Variants in CACNB4 observed in about 807,000 individuals in gnomAD.
The protein encoded by CACNB4 is voltage-dependent L-type calcium channel subunit beta-4.
A neutral mutation model predicts 71.2 loss-of-function variants in CACNB4; 32 were observed. That is an observed-to-expected ratio of 0.45 (90% CI 0.34 to 0.60). The LOEUF is 0.60. Ranked by LOEUF, CACNB4 falls within the 20% of genes least tolerant of loss-of-function variation. The probability of loss-of-function intolerance (pLI) is 0.01; values close to 1 mark genes in which losing one functional copy is unlikely to be tolerated. For missense variants in CACNB4, 464 were observed against 647.9 expected (o/e 0.72, Z 3.08); for synonymous variants, 231 against 236.9 (o/e 0.97, Z 0.23).
intron 2 of CACNB4, among the ~76,000 whole-genome samples, chr2:151,993,107 A>G (rs1433776560): frequency 6.6e-6 from 1 of 150,928 alleles, no homozygotes; most frequent in Non-Finnish European, 1.5e-5. Flanking sequence ...ACAAGAAAAC[A>G]TCTTGAATAA....
In CACNB4 at chr2:152,098,564, G is replaced by GCGCCCC; in HGVS notation, c.64-152_64-151insGGGGCG. ...GTCTCCTCCGCGACTCCCAAATACA[G>GCGCCCC]CCCCCACCCCCACCCACCCACTGCA... On this transcript the variant is annotated intron_variant, in intron 1 of 13. Transcript: ENST00000539935. The surrounding 1 kb of genome is among the most constrained non-coding windows in gnomAD (Gnocchi z 5.3). The GCGCCCC allele has an allele frequency of 1.1e-6, 1 of 931,268 alleles. No individual in the cohort carries two copies. The highest frequency in any genetic ancestry group is 1.7e-6 in the Non-Finnish European group (1 of 583,194). 57.7% of individuals were successfully genotyped at this position (931,268 alleles called of 1,614,324 possible).
Position 152,001,526 on chromosome 2 carries a change from TAAAAAAAAAAAAAAAAAAA to T in CACNB4, c.147+96785_147+96803del, listed in dbSNP as rs70974816. On this transcript the variant is annotated intron_variant, in intron 2 of 13. Coordinates refer to ENST00000539935, the MANE Select transcript of CACNB4 (RefSeq NM_000726.5). ...CAACATGGTGAAACCCCATCTCTAC[TAAAAAAAAAAAAAAAAAAA>T]AAAAAAAAAAATACAAAATTAGCCG... Among the ~76,000 whole-genome samples, 140 of 35,514 alleles carry T rather than the reference TAAAAAAAAAAAAAAAAAAA, an allele frequency of 3.9e-3. 2 individuals carry two copies. The highest frequency in any genetic ancestry group is 0.027 in the Admixed American group (50 of 1,842). The allele number at this position is 35,514 out of a possible 152,430, so 23.3% of individuals were successfully genotyped here. A position where few individuals can be genotyped will look rare whatever the true frequency, so the allele number is the denominator to read the frequency against.
chr2:151,990,573 C>A (rs1248360044), intron 2 of CACNB4, among the ~76,000 whole-genome samples: 1 of 152,190 alleles, frequency 6.6e-6, no homozygotes, highest in Admixed American at 6.5e-5. Context: ...TTAACAATTA[C>A]CATAGTGCCT....
intron 2 of CACNB4, among the ~76,000 whole-genome samples, chr2:151,886,494 A>G (rs2099849406): frequency 6.6e-6 from 1 of 152,198 alleles, no homozygotes; most frequent in African/African-American, 2.4e-5. Flanking sequence ...ACTCCTACAA[A>G]TGAACTTTAT....
At chr2:151,932,463 A>G (rs1235678079) in intron 2 of CACNB4, among the ~76,000 whole-genome samples, 3 of 152,166 alleles carry the variant, frequency 2.0e-5, no homozygotes, top group African/African-American at 7.2e-5. Flanking sequence ...GAGAACACAT[A>G]TCTGATATGA....
chr2:152,040,043 A>G (rs1684794302), intron 2 of CACNB4, among the ~76,000 whole-genome samples: 1 of 152,208 alleles, frequency 6.6e-6, no homozygotes, highest in Non-Finnish European at 1.5e-5. Context: ...TTTCTACAAA[A>G]ATTGTACTGG....
At chr2:151,969,686 T>C (rs1363171995) in intron 2 of CACNB4, 1 of 152,038 alleles carries the variant, frequency 6.6e-6, no homozygotes, top group Non-Finnish European at 1.5e-5. Context: ...GAGACAAACA[T>C]ACATAGTTCC....
chr2:152,096,544 A>G (rs1243232023), intron 2 of CACNB4, among the ~76,000 whole-genome samples: 1 of 152,224 alleles, frequency 6.6e-6, no homozygotes, highest in Non-Finnish European at 1.5e-5. Context: ...TATATAATAC[A>G]ATTACAATTA....
At chr2:151,848,761 G>A (rs1206968759) in intron 12 of CACNB4, among the ~76,000 whole-genome samples, 1 of 152,140 alleles carries the variant, frequency 6.6e-6, no homozygotes, top group African/African-American at 2.4e-5. Flanking sequence ...GGTAACACAA[G>A]CCAGATTGTA....
At chr2:151,870,127 CTGTT>C (rs1454999512) in intron 8 of CACNB4, 2 of 618,128 alleles carry the variant, frequency 3.2e-6, no homozygotes, top group Admixed American at 2.7e-5. Context: ...AGGGTGAACT[CTGTT>C]TGGGCTTTAA....
chr2:151,848,635 G>A (rs2099838219), intron 12 of CACNB4, among the ~76,000 whole-genome samples: 1 of 152,172 alleles, frequency 6.6e-6, no homozygotes, highest in South Asian at 2.1e-4. Flanking sequence ...TGTAACATTA[G>A]AGGTTTGCAA....
At chr2:151,951,798 C>A (rs1447820098) in intron 2 of CACNB4, among the ~76,000 whole-genome samples, 4 of 152,200 alleles carry the variant, frequency 2.6e-5, no homozygotes, top group African/African-American at 4.8e-5. Flanking sequence ...CACAAGGAAG[C>A]TGATTAAACC....
chr2:151,964,577 G>C (rs2099870557), intron 2 of CACNB4, among the ~76,000 whole-genome samples: 1 of 152,096 alleles, frequency 6.6e-6, no homozygotes, highest in Non-Finnish European at 1.5e-5. Context: ...GTACCACTAA[G>C]GGGAAAAAGC....
At chr2:151,875,845 G>A (rs1173295167) in intron 5 of CACNB4, among the ~76,000 whole-genome samples, 2 of 142,344 alleles carry the variant, frequency 1.4e-5, no homozygotes, top group African/African-American at 5.3e-5. Flanking sequence ...CTGGCGGGGG[G>A]CTGACCCCCC....
chr2:152,084,456 G>GCACA (rs1483743943), intron 2 of CACNB4, among the ~76,000 whole-genome samples: 1 of 152,218 alleles, frequency 6.6e-6, no homozygotes, highest in Non-Finnish European at 1.5e-5. Context: ...GGAGCTGTGA[G>GCACA]CACACGTTAA....
At chr2:151,978,727 C>T (rs2151746088) in intron 2 of CACNB4, among the ~76,000 whole-genome samples, 1 of 152,244 alleles carries the variant, frequency 6.6e-6, no homozygotes. Flanking sequence ...GCCCTGATGC[C>T]CTTGCCTCTA....
intron 4 of CACNB4, among the ~76,000 whole-genome samples, chr2:151,878,013 T>C (rs1307214962): frequency 2.7e-5 from 4 of 150,244 alleles, no homozygotes; most frequent in Admixed American, 6.6e-5. Flanking sequence ...CTCTATTGTT[T>C]AAACTCTCTG....
Position 152,002,921 on chromosome 2 carries a change from T to C in CACNB4, c.147+95409A>G, listed in dbSNP as rs148715990. ...TTGCATTTTTGAGTTTAGCAGAAAG[T>C]CTCCATTTGAATTAATAAGGGTAGA... On this transcript the variant is annotated intron_variant, in intron 2 of 13. Transcript: ENST00000539935. Among the ~76,000 whole-genome samples the C allele has an allele frequency of 3.1e-3, 472 of 152,336 alleles. 4 individuals carry two copies. Among genetic ancestry groups the C allele is most frequent in the African/African-American group, 0.011 (452 of 41,582 alleles).
intron 2 of CACNB4, among the ~76,000 whole-genome samples, chr2:152,088,381 T>G (rs932512992): frequency 2.0e-5 from 3 of 152,248 alleles, no homozygotes; most frequent in Non-Finnish European, 2.9e-5. Context: ...ATTTTCCATA[T>G]GTTATCAATG....
Sources: gnomAD v4.1 joint callset for allele counts (sites outside exome capture counted in the v4.1 genomes callset) on GRCh38, gnomAD v4.1.1 for gene constraint, Gnocchi (gnomAD v3.1) non-coding constraint, MANE v1.5 for transcripts, NCBI Gene and HGNC (gene_info 2026-07-23, HGNC 2026-07-21) for gene names.